The following FTO variants were observed in gnomAD, a reference collection of about 807,000 sequenced individuals.
FTO encodes alpha-ketoglutarate-dependent dioxygenase FTO.
A neutral mutation model predicts 63.9 loss-of-function variants in FTO; 47 were observed. The ratio of observed to expected loss-of-function variants is 0.74; its 90% CI spans 0.58 to 0.94. The LOEUF (loss-of-function observed/expected upper bound fraction) is 0.94, where lower values mean the gene tolerates loss of function less well. Ranked by LOEUF, FTO falls within the 40% of genes least tolerant of loss-of-function variation. The probability of loss-of-function intolerance (pLI) is 0.00; values close to 1 mark genes in which losing one functional copy is unlikely to be tolerated. For missense variants in FTO, 562 were observed against 618.1 expected, an observed-to-expected ratio of 0.91 and a Z score of 0.96; for synonymous variants, 207 against 224.4, an observed-to-expected ratio of 0.92 and a Z score of 0.69.
chr16:53,981,686 G>A (rs1003966009), intron 8 of FTO: 4 of 152,202 alleles, frequency 2.6e-5, no homozygotes, highest in Non-Finnish European at 4.4e-5. Flanking sequence ...GAGGCGGGCA[G>A]ACCATCTGAG....
chr16:53,845,621 A>C (rs1395012841), intron 4 of FTO, among the ~76,000 whole-genome samples: 1 of 152,240 alleles, frequency 6.6e-6, no homozygotes, highest in Admixed American at 6.5e-5. Context: ...ATCCAGTATC[A>C]CTAGGTATAA....
intron 8 of FTO, among the ~76,000 whole-genome samples, chr16:53,963,045 A>T (rs2083117846): frequency 6.6e-6 from 1 of 152,192 alleles, no homozygotes; most frequent in Admixed American, 6.5e-5. Context: ...ATTTTCTGAA[A>T]TTGCCAAATG....
chr16:53,706,685 C>T (rs1387081432), intron 1 of FTO, among the ~76,000 whole-genome samples: 2 of 152,178 alleles, frequency 1.3e-5, no homozygotes, highest in Non-Finnish European at 2.9e-5. Context: ...AGGCGTGAGC[C>T]ACTGTGCCTG....
At chr16:54,110,840 C>T (rs2144632815) in intron 8 of FTO, among the ~76,000 whole-genome samples, 1 of 152,350 alleles carries the variant, frequency 6.6e-6, no homozygotes, top group East Asian at 1.9e-4. Flanking sequence ...CTGCCACGTA[C>T]TCCAGGAGAG....
At chr16:53,769,510 A>G (rs374408135) in intron 1 of FTO, among the ~76,000 whole-genome samples, 1 of 152,204 alleles carries the variant, frequency 6.6e-6, no homozygotes, top group East Asian at 1.9e-4. Context: ...AGAACTTAGT[A>G]TATAGCAACT....
chr16:54,017,822 T>G (rs1391636426), intron 8 of FTO, among the ~76,000 whole-genome samples: 1 of 152,092 alleles, frequency 6.6e-6, no homozygotes, highest in African/African-American at 2.4e-5. Flanking sequence ...TAGCCCAGTC[T>G]CCCTCTCTAG....
chr16:53,839,715 A>T (rs1465726788), intron 3 of FTO, among the ~76,000 whole-genome samples: 4 of 150,460 alleles, frequency 2.7e-5, no homozygotes, highest in African/African-American at 9.9e-5. Flanking sequence ...ACTTCATAAA[A>T]ACTGTTCCTT....
intron 4 of FTO, among the ~76,000 whole-genome samples, chr16:53,858,122 C>T (rs1000832492): frequency 7.9e-5 from 12 of 151,984 alleles, no homozygotes; most frequent in Non-Finnish European, 1.6e-4. Context: ...ATAATATTTT[C>T]TCTTCTTTAC....
At chr16:53,932,858 C>A (rs2082314084) in intron 7 of FTO, among the ~76,000 whole-genome samples, 1 of 152,142 alleles carries the variant, frequency 6.6e-6, no homozygotes, top group South Asian at 2.1e-4. Context: ...AGCATTTTCC[C>A]CCGTTTCTTT....
At chr16:53,716,003 A>G (rs761317169) in intron 1 of FTO, among the ~76,000 whole-genome samples, 12 of 152,200 alleles carry the variant, frequency 7.9e-5, no homozygotes, top group Non-Finnish European at 1.6e-4. Flanking sequence ...ACAGGCATGT[A>G]AACAAATAAT....
At chr16:53,992,790 T>G (rs1174358768) in intron 8 of FTO, 1 of 152,206 alleles carries the variant, frequency 6.6e-6, no homozygotes, top group Non-Finnish European at 1.5e-5. Context: ...AGGCGACATC[T>G]CTAATCATTG....
At chr16:54,051,318 C>G (rs575788583) in intron 8 of FTO, among the ~76,000 whole-genome samples, 1 of 152,168 alleles carries the variant, frequency 6.6e-6, no homozygotes, top group Non-Finnish European at 1.5e-5. Context: ...GGAGAAATAG[C>G]CTTGAGAAAA....
chr16:53,717,507 T>C (rs1312071107), intron 1 of FTO, among the ~76,000 whole-genome samples: 1 of 152,108 alleles, frequency 6.6e-6, no homozygotes, highest in Non-Finnish European at 1.5e-5. Context: ...AAAAATATTT[T>C]GTAGATTAGG....
chr16:53,863,811 T>C (rs544449073), intron 4 of FTO, among the ~76,000 whole-genome samples: 27 of 152,368 alleles, frequency 1.8e-4, no homozygotes, highest in South Asian at 1.5e-3. Context: ...ATTTGATTGG[T>C]ATATTTATCA....
intron 8 of FTO, among the ~76,000 whole-genome samples, chr16:54,106,610 TTA>T (rs1466271624): frequency 9.1e-4 from 127 of 140,164 alleles, no homozygotes; most frequent in African/African-American, 3.0e-3. Flanking sequence ...TATCATATAA[TTA>T]TATAATAAAT....
chr16:53,748,679 C>T (rs1335592189), intron 1 of FTO, among the ~76,000 whole-genome samples: 3 of 152,174 alleles, frequency 2.0e-5, no homozygotes, highest in Non-Finnish European at 4.4e-5. Flanking sequence ...TGGTCTTGAA[C>T]TCCTGACGTC....
At chr16:53,920,506 G>A (rs2081983207) in intron 7 of FTO, among the ~76,000 whole-genome samples, 1 of 152,204 alleles carries the variant, frequency 6.6e-6, no homozygotes, top group Non-Finnish European at 1.5e-5. Context: ...CATATAAAGT[G>A]TAGAATTTGT....
chr16:54,091,609 G>C (rs561774195), intron 8 of FTO, among the ~76,000 whole-genome samples: 1 of 152,338 alleles, frequency 6.6e-6, no homozygotes, highest in African/African-American at 2.4e-5. Flanking sequence ...ACTACCATAT[G>C]AAACAAATCT....
chr16:54,064,010 TC>T (rs756719426), intron 8 of FTO: 114 of 137,038 alleles, frequency 8.3e-4, no homozygotes, highest in Admixed American at 2.9e-3. Flanking sequence ...CTTGTCCTAT[TC>T]CTTTATTATT....
Sources: gnomAD v4.1 joint callset for allele counts (sites outside exome capture counted in the v4.1 genomes callset) on GRCh38, gnomAD v4.1.1 for gene constraint, MANE v1.5 for transcripts, NCBI Gene and HGNC (gene_info 2026-07-23, HGNC 2026-07-21) for gene names.